Variants in RARS2 observed in about 807,000 individuals in gnomAD.
The protein encoded by RARS2 is arginyl-tRNA synthetase 2, mitochondrial, also known as probable arginine--tRNA ligase, mitochondrial.
A neutral mutation model predicts 88.5 loss-of-function variants in RARS2; 67 were observed. The observed-to-expected ratio is 0.76, with a 90% CI of 0.62 to 0.93. The LOEUF (loss-of-function observed/expected upper bound fraction) is 0.93, where lower values mean the gene tolerates loss of function less well. Among genes scored for constraint, RARS2 ranks in the 40% least tolerant of loss-of-function variants. The pLI is 0.00. For missense variants in RARS2, 664 were observed against 684.2 expected, an observed-to-expected ratio of 0.97 and a Z score of 0.33; for synonymous variants, 239 against 230.3, an observed-to-expected ratio of 1.04 and a Z score of -0.34.
Position 87,542,088 on chromosome 6 carries a change from C to A in RARS2, c.536-94G>T, listed in dbSNP as rs1014873382. On this transcript the variant is annotated intron_variant, in intron 7 of 19. Coordinates refer to ENST00000369536, the MANE Select transcript of RARS2 (RefSeq NM_020320.5). ...GGTATAATTCTATAAAAAGACCAAC[C>A]TGTCATATTATGTATCCTGAGAAGT... is the stretch of plus-strand genomic sequence containing the variant. 6 of 947,126 alleles carry A rather than the reference C, an allele frequency of 6.3e-6. No individual in the cohort carries two copies. In the African/African-American group the frequency reaches 8.2e-5, roughly 13 times the overall value. The allele number at this position is 947,126 out of a possible 1,614,324, so 58.7% of individuals were successfully genotyped here. A position where few individuals can be genotyped will look rare whatever the true frequency, so the allele number is the denominator to read the frequency against.
rs1258273065 is a variant in RARS2, at chr6:87,530,944, T to TA, written c.613-3dup. 6.2e-7 allele frequency: 1 copy of TA among 1,614,016 alleles called. No homozygotes were observed. The highest frequency in any genetic ancestry group is 1.7e-5 in the Admixed American group (1 of 60,012). On this transcript the variant is annotated splice_polypyrimidine_tract_variant and splice_region_variant and intron_variant, in intron 8 of 19. Coordinates refer to ENST00000369536, the MANE Select transcript of RARS2 (RefSeq NM_020320.5). ...TTCTTTATTAACTTGTACATAAACC[T>TA]AAAAGTACAATAGTACATTAAATGA...
At chr6:87,546,907 T>C (rs777170704) in intron 6 of RARS2, among the ~76,000 whole-genome samples, 1 of 152,214 alleles carries the variant, frequency 6.6e-6, no homozygotes, top group Admixed American at 6.5e-5. Context: ...ACAGATGGCA[T>C]ATTCCTATTT....
chr6:87,531,942 A>G (rs561783018), intron 8 of RARS2, among the ~76,000 whole-genome samples: 1 of 152,342 alleles, frequency 6.6e-6, no homozygotes, highest in African/African-American at 2.4e-5. Context: ...TGAAAGCAAT[A>G]AAAATTGGTG....
chr6:87,551,273 G>A (rs936143546), intron 5 of RARS2, among the ~76,000 whole-genome samples: 1 of 152,088 alleles, frequency 6.6e-6, no homozygotes, highest in African/African-American at 2.4e-5. Flanking sequence ...GCATCTTACT[G>A]GGACTTTTGT....
Position 87,524,644 on chromosome 6 carries a change from G to A in RARS2, c.887C>T (p.Thr296Met), listed in dbSNP as rs374274799. The A allele has an allele frequency of 6.2e-6, 10 of 1,610,170 alleles. No homozygotes were observed. The highest frequency in any genetic ancestry group is 5.0e-5 in the Admixed American group (3 of 60,010). Residue 296 changes from threonine to methionine, a missense_variant, in exon 11 of 20, where the codon ACG (threonine) becomes ATG (methionine). Coordinates refer to ENST00000369536, the MANE Select transcript of RARS2 (RefSeq NM_020320.5). The stretch of plus-strand genomic sequence containing the variant: ...ATTCCCAGAGAGATCTACTACAGCC[G>A]TTCCTTTTCTAGAAATTCGAAAAGG... ...KGLLLKTIKG[T>M]AVVDLSGNGD...
At chr6:87,557,881 A>G (rs1010373312) in intron 4 of RARS2, among the ~76,000 whole-genome samples, 6 of 152,132 alleles carry the variant, frequency 3.9e-5, no homozygotes, top group East Asian at 1.9e-4. Flanking sequence ...CTCCCTTAAG[A>G]TTTCAAATAC....
At chr6:87,530,388 T>C (rs190134047) in intron 9 of RARS2, among the ~76,000 whole-genome samples, 3 of 152,332 alleles carry the variant, frequency 2.0e-5, no homozygotes, top group African/African-American at 7.2e-5. Flanking sequence ...GTGCTGTCTC[T>C]AGGCTAGAAT....
chr6:87,544,972 G>C (rs115983493), intron 7 of RARS2, among the ~76,000 whole-genome samples: 300 of 152,240 alleles, frequency 2.0e-3, no homozygotes, highest in African/African-American at 7.0e-3. Context: ...AAAAATGGCA[G>C]GGCTGTGGTT....
At chr6:87,541,702 T>C (rs1325936454) in intron 8 of RARS2, among the ~76,000 whole-genome samples, 1 of 152,116 alleles carries the variant, frequency 6.6e-6, no homozygotes, top group Non-Finnish European at 1.5e-5. Flanking sequence ...CATACGCCTG[T>C]AGTCCCAGCT....
intron 4 of RARS2, among the ~76,000 whole-genome samples, chr6:87,559,781 C>T (rs1562202999): frequency 1.3e-5 from 2 of 152,162 alleles, no homozygotes; most frequent in East Asian, 1.9e-4. Context: ...AGTGTAATGT[C>T]CTAGGCCTTC....
At position 87,566,533 on chromosome 6, in the gene RARS2, T is replaced by C. The variant is rs1228749268; in HGVS notation, c.111-2301A>G. Among the ~76,000 whole-genome samples, 8 of 152,114 alleles carry C rather than the reference T, an allele frequency of 5.3e-5. No individual in the cohort carries two copies. The East Asian group carries it at 1.5e-3, about 29-fold the overall frequency. Reference sequence around the variant, plus strand: ...AAAACATCTAAGCTATGAAAAGCAGTAGATATCAAAATAAACAACTGTGGA... The same window carrying C: ...AAAACATCTAAGCTATGAAAAGCAGCAGATATCAAAATAAACAACTGTGGA... On this transcript the variant is annotated intron_variant, in intron 2 of 19. Coordinates refer to ENST00000369536, the MANE Select transcript of RARS2 (RefSeq NM_020320.5).
chr6:87,553,962 A>G, intron 5 of RARS2, among the ~76,000 whole-genome samples: 1 of 152,176 alleles, frequency 6.6e-6, no homozygotes. Flanking sequence ...AGTGAGTGGC[A>G]GACGGTACAC....
intron 10 of RARS2, among the ~76,000 whole-genome samples, chr6:87,526,253 C>T (rs1775650101): frequency 6.6e-6 from 1 of 152,144 alleles, no homozygotes; most frequent in Non-Finnish European, 1.5e-5. Flanking sequence ...TGGTGGCTCA[C>T]GTCTATAATC....
chr6:87,564,306 A>G, intron 2 of RARS2, 74 bp from the exon 3 acceptor site: 1 of 1,061,598 alleles, frequency 9.4e-7, no homozygotes, highest in Non-Finnish European at 1.4e-6. Context: ...ACTAATCACT[A>G]TGAGTTCTCC....
chr6:87,560,531 G>A (rs935461645), intron 4 of RARS2, among the ~76,000 whole-genome samples: 3 of 152,182 alleles, frequency 2.0e-5, no homozygotes, highest in African/African-American at 4.8e-5. Flanking sequence ...CTCAAACAAA[G>A]ATATATTAAT....
intron 1 of RARS2, among the ~76,000 whole-genome samples, chr6:87,587,105 G>C (rs1775404929): frequency 6.6e-6 from 1 of 151,934 alleles, no homozygotes; most frequent in African/African-American, 2.4e-5. Context: ...GGCTGGTCTT[G>C]AACTCTTGGG....
chr6:87,569,638 T>C (rs767518231), intron 1 of RARS2, 48 bp from the exon 2 acceptor site: 3 of 1,409,516 alleles, frequency 2.1e-6, no homozygotes, highest in African/African-American at 1.4e-5. Context: ...CACATATTTG[T>C]TCCATTCAAT....
At chr6:87,529,122 C>T (rs781705766) in intron 10 of RARS2, among the ~76,000 whole-genome samples, 6 of 152,166 alleles carry the variant, frequency 3.9e-5, no homozygotes, top group Non-Finnish European at 8.8e-5. Flanking sequence ...CTGTTTTCAT[C>T]ATTTTCCTCA....
chr6:87,526,728 T>C (rs1775853355), intron 10 of RARS2, among the ~76,000 whole-genome samples: 1 of 151,242 alleles, frequency 6.6e-6, no homozygotes, highest in Admixed American at 6.6e-5. Context: ...TGGAGTGCAA[T>C]GGCTCAATCG....
Sources: gnomAD v4.1 joint callset for allele counts (sites outside exome capture counted in the v4.1 genomes callset) on GRCh38, gnomAD v4.1.1 for gene constraint, MANE v1.5 for transcripts, NCBI Gene and HGNC (gene_info 2026-07-23, HGNC 2026-07-21) for gene names.